CTNND2: variants seen among roughly 807,000 people sequenced by gnomAD.
CTNND2 encodes catenin delta-2.
Under a neutral mutation model 144.4 loss-of-function variants are expected in CTNND2, and 22 were observed. The observed-to-expected ratio is 0.15, with a 90% CI of 0.11 to 0.22. CTNND2 has a LOEUF of 0.22. CTNND2 is among the 10% of genes least tolerant of loss of function. The pLI is 1.00. For synonymous variants in CTNND2, 751 were observed against 695.6 expected, an observed-to-expected ratio of 1.08 and a Z score of -1.25; for missense variants, 1,353 against 1,618.8, an observed-to-expected ratio of 0.84 and a Z score of 2.82.
intron 9 of CTNND2, among the ~76,000 whole-genome samples, chr5:11,251,031 GA>G (rs140793954): frequency 0.017 from 2,559 of 151,846 alleles, 34 homozygotes; most frequent in Non-Finnish European, 0.027. Context: ...AAGCCACTAG[GA>G]AAAAAAAGAA....
At chr5:11,781,115 T>C (rs1790519862) in intron 1 of CTNND2, among the ~76,000 whole-genome samples, 1 of 152,120 alleles carries the variant, frequency 6.6e-6, no homozygotes, top group Non-Finnish European at 1.5e-5. Context: ...AGAAGAACTA[T>C]CATTAACACA....
At chr5:11,577,245 A>G (rs1778041785) in intron 2 of CTNND2, among the ~76,000 whole-genome samples, 1 of 152,258 alleles carries the variant, frequency 6.6e-6, no homozygotes, top group Admixed American at 6.5e-5. Context: ...AGGGCAACAG[A>G]TGCTTATGTG....
At chr5:11,328,447 C>A (rs1752756512) in intron 9 of CTNND2, among the ~76,000 whole-genome samples, 1 of 151,988 alleles carries the variant, frequency 6.6e-6, no homozygotes, top group Non-Finnish European at 1.5e-5. Context: ...GTGCTTGTCA[C>A]CAGACCTTTT....
At chr5:11,729,884 G>C (rs2126737099) in intron 2 of CTNND2, among the ~76,000 whole-genome samples, 1 of 152,266 alleles carries the variant, frequency 6.6e-6, no homozygotes, top group East Asian at 1.9e-4. Flanking sequence ...CTACCTGGTA[G>C]ATTAAAAATT....
At chr5:11,416,753 G>T (rs998481875) in intron 3 of CTNND2, among the ~76,000 whole-genome samples, 1 of 152,018 alleles carries the variant, frequency 6.6e-6, no homozygotes, top group African/African-American at 2.4e-5. Context: ...CATTTTTGAA[G>T]GTGTTATAAC....
intron 1 of CTNND2, among the ~76,000 whole-genome samples, chr5:11,849,324 A>G (rs1277021764): frequency 6.6e-6 from 1 of 152,188 alleles, no homozygotes; most frequent in East Asian, 1.9e-4. Context: ...ACATGTGGGA[A>G]TTATGGGAGC....
chr5:11,364,851 A>G lies in CTNND2; in HGVS notation c.1217T>C (p.Leu406Pro), dbSNP rs780533672. ...RASYSSQHGH[L>P]GPELRALQSP... The stretch of plus-strand genomic sequence containing the variant: ...CTGCAGGGCCCGCAACTCTGGGCCC[A>G]GGTGCCCATGCTGGCTGCTGTATGA... Residue 406 changes from leucine to proline, a missense_variant, in exon 8 of 22, where the codon CTG (leucine) becomes CCG (proline). Coordinates refer to ENST00000304623, the MANE Select transcript of CTNND2 (RefSeq NM_001332.4). 6.2e-7 allele frequency: 1 copy of G among 1,613,440 alleles called. No individual in the cohort carries two copies. The highest frequency in any genetic ancestry group is 1.1e-5 in the South Asian group (1 of 91,000).
At chr5:11,645,333 A>T (rs1304890717) in intron 2 of CTNND2, among the ~76,000 whole-genome samples, 1 of 152,138 alleles carries the variant, frequency 6.6e-6, no homozygotes, top group Admixed American at 6.5e-5. Flanking sequence ...TTATTATATT[A>T]TGACTCAACA....
intron 9 of CTNND2, among the ~76,000 whole-genome samples, chr5:11,265,184 CAT>C (rs1368601503): frequency 3.3e-5 from 5 of 152,204 alleles, no homozygotes; most frequent in Admixed American, 2.0e-4. Context: ...AAAGAAGTTA[CAT>C]ATGTTAGAAG....
At position 11,318,131 on chromosome 5, in the gene CTNND2, T is replaced by C. The variant is rs1297074456; in HGVS notation, c.1628+28241A>G. Among the ~76,000 whole-genome samples the C allele has an allele frequency of 2.6e-5, 4 of 152,274 alleles. 1 individual carries two copies. Among genetic ancestry groups the C allele is most frequent in the East Asian group, 1.9e-4 (1 of 5,172 alleles). On this transcript the variant is annotated intron_variant, in intron 9 of 21. Transcript: ENST00000304623. ...CTGACTTTGGTAGACTCAAGGAATC[T>C]GAATTCTTTCTTTATGAACCCAAAA...
intron 9 of CTNND2, among the ~76,000 whole-genome samples, chr5:11,242,418 C>T (rs73053758): frequency 6.6e-6 from 1 of 152,174 alleles, no homozygotes; most frequent in African/African-American, 2.4e-5. Flanking sequence ...TAATCATTCT[C>T]TTGAAATAAT....
intron 1 of CTNND2, among the ~76,000 whole-genome samples, chr5:11,799,903 TC>T (rs1410922937): frequency 6.6e-6 from 1 of 152,134 alleles, no homozygotes; most frequent in African/African-American, 2.4e-5. Flanking sequence ...ATCAAAACAC[TC>T]CATGCATTTT....
chr5:11,882,110 A>G (rs888045594), intron 1 of CTNND2, among the ~76,000 whole-genome samples: 23 of 151,700 alleles, frequency 1.5e-4, no homozygotes, highest in African/African-American at 5.3e-4. Flanking sequence ...TATATTCTGG[A>G]TATTTACTCC....
At chr5:11,168,639 A>G (rs1455239493) in intron 11 of CTNND2, among the ~76,000 whole-genome samples, 2 of 152,158 alleles carry the variant, frequency 1.3e-5, no homozygotes, top group African/African-American at 4.8e-5. Flanking sequence ...TTTTTTCCTA[A>G]AAGTTATGAC....
intron 3 of CTNND2, among the ~76,000 whole-genome samples, chr5:11,415,737 A>G (rs974285886): frequency 3.9e-5 from 6 of 152,176 alleles, no homozygotes; most frequent in Admixed American, 2.6e-4. Context: ...AGTAAAGTCC[A>G]GCACTCCTCT....
At chr5:11,234,402 G>C (rs1741385176) in intron 10 of CTNND2, among the ~76,000 whole-genome samples, 1 of 152,250 alleles carries the variant, frequency 6.6e-6, no homozygotes, top group African/African-American at 2.4e-5. Context: ...ATTCTACAGA[G>C]AAGGTATCAG....
chr5:11,874,597 G>A (rs571831891), intron 1 of CTNND2, among the ~76,000 whole-genome samples: 1 of 152,306 alleles, frequency 6.6e-6, no homozygotes, highest in Non-Finnish European at 1.5e-5. Flanking sequence ...GCAGGGAGCA[G>A]AGACAGCATG....
intron 3 of CTNND2, among the ~76,000 whole-genome samples, chr5:11,558,256 G>A (rs1251714022): frequency 2.6e-5 from 4 of 152,190 alleles, no homozygotes; most frequent in African/African-American, 9.6e-5. Flanking sequence ...ACATGTCAAG[G>A]TCACGTACAG....
chr5:11,403,267 T>C (rs1234574123), intron 5 of CTNND2, among the ~76,000 whole-genome samples: 1 of 152,172 alleles, frequency 6.6e-6, no homozygotes, highest in East Asian at 1.9e-4. Flanking sequence ...GGGTTCTCAT[T>C]GTTCAACTCC....
Sources: allele counts gnomAD v4.1 joint callset (sites outside exome capture counted in the v4.1 genomes callset), GRCh38; gene constraint gnomAD v4.1.1; transcripts MANE v1.5; gene names NCBI Gene and HGNC (gene_info 2026-07-23, HGNC 2026-07-21).